The following FBXL14 variants were observed in gnomAD, a reference collection of about 807,000 sequenced individuals.
The protein encoded by FBXL14 is F-box/LRR-repeat protein 14.
FBXL14 carries 11 observed loss-of-function variants against 24.5 expected under a neutral mutation model. That is an observed-to-expected ratio of 0.45 (90% CI 0.28 to 0.74). The LOEUF (loss-of-function observed/expected upper bound fraction) is 0.74, where lower values mean the gene tolerates loss of function less well. Ranked by LOEUF, FBXL14 falls within the 30% of genes least tolerant of loss-of-function variation. The pLI, the probability that FBXL14 is intolerant of heterozygous loss-of-function variation, is 0.12. For synonymous variants in FBXL14, 294 were observed against 240.4 expected, an observed-to-expected ratio of 1.22 and a Z score of -2.06; for missense variants, 384 against 545.6, an observed-to-expected ratio of 0.70 and a Z score of 2.95.
chr12:1,592,303 G>C (rs2094492319), intron 1 of FBXL14, among the ~76,000 whole-genome samples: 1 of 151,174 alleles, frequency 6.6e-6, no homozygotes, highest in Admixed American at 6.6e-5. Context: ...CAGGAAAGAA[G>C]ATTAAGAACA....
chr12:1,571,846 T>A (rs1464848998), intron 1 of FBXL14, among the ~76,000 whole-genome samples: 1 of 152,200 alleles, frequency 6.6e-6, no homozygotes, highest in Admixed American at 6.5e-5. Flanking sequence ...GATCTTCCCA[T>A]CTCCTTGTTC....
In FBXL14 at chr12:1,567,161, A is replaced by T. The variant is rs1220087961; in HGVS notation, c.1195-351T>A. ...GCCACTATCAAGAAAAAGATATAAG[A>T]CATACTAAAGGGCAAATAGGGCCTG... On this transcript the variant is annotated intron_variant, in intron 1 of 1. Transcript: ENST00000339235. This position sits in a 1 kb window ranked among gnomAD's most constrained non-coding sequence, Gnocchi z 4.8. 6.6e-6 allele frequency among the ~76,000 whole-genome samples: 1 copy of T among 151,886 alleles called. No homozygotes were observed.
chr12:1,581,242 A>G (rs2094465744), intron 1 of FBXL14, among the ~76,000 whole-genome samples: 1 of 152,050 alleles, frequency 6.6e-6, no homozygotes, highest in African/African-American at 2.4e-5. Context: ...TAGCAGCTAA[A>G]AGAGTACAGA....
chr12:1,574,397 T>TA (rs1565583089), intron 1 of FBXL14, among the ~76,000 whole-genome samples: 4,913 of 47,392 alleles, frequency 0.1, 122 homozygotes, highest in Non-Finnish European at 0.14. Context: ...GAGGCTGGGG[T>TA]GGGGGAGGCT....
chr12:1,581,674 G>T (rs181948465), intron 1 of FBXL14, among the ~76,000 whole-genome samples: 1 of 152,196 alleles, frequency 6.6e-6, no homozygotes, highest in Non-Finnish European at 1.5e-5. Flanking sequence ...CATGCCTCCC[G>T]TAGGACATTT....
chr12:1,576,628 TG>T (rs1010667643), intron 1 of FBXL14, among the ~76,000 whole-genome samples: 2 of 152,138 alleles, frequency 1.3e-5, no homozygotes, highest in African/African-American at 4.8e-5. Flanking sequence ...CGCACTCCCA[TG>T]GGGCCTATCT....
At chr12:1,572,806 GTCAAAA>G (rs1313992270) in intron 1 of FBXL14, among the ~76,000 whole-genome samples, 2 of 141,148 alleles carry the variant, frequency 1.4e-5, no homozygotes, top group Non-Finnish European at 3.2e-5. Flanking sequence ...GGTCAAAATG[GTCAAAA>G]TGAGAAGTGA....
At chr12:1,582,796 A>G (rs1441554486) in intron 1 of FBXL14, among the ~76,000 whole-genome samples, 1 of 152,098 alleles carries the variant, frequency 6.6e-6, no homozygotes, top group African/African-American at 2.4e-5. Context: ...CTTTTTTCCC[A>G]CTTCTACACC....
At chr12:1,587,239 G>A (rs777780807) in intron 1 of FBXL14, 3 of 75,066 alleles carry the variant, frequency 4.0e-5, no homozygotes, top group South Asian at 4.5e-4. Flanking sequence ...CTCCGTCTCC[G>A]TCTCAAAAAA....
At chr12:1,592,830 C>T in intron 1 of FBXL14, 43 bp downstream of exon 1, 1 of 1,498,578 alleles carries the variant, frequency 6.7e-7, no homozygotes, top group Non-Finnish European at 9.0e-7. Flanking sequence ...GGAGGATGAA[C>T]AGGGCGGGAC....
At position 1,567,900 on chromosome 12, in the gene FBXL14, T is replaced by C. The variant is rs2107524; in HGVS notation, c.1195-1090A>G. 0.53 allele frequency among the ~76,000 whole-genome samples: 79,211 copies of C among 150,788 alleles called. 21,243 individuals are homozygous for C. The highest frequency in any genetic ancestry group is 0.62 in the African/African-American group (25,879 of 41,466). On this transcript the variant is annotated intron_variant, in intron 1 of 1. Coordinates refer to ENST00000339235, the MANE Select transcript of FBXL14 (RefSeq NM_152441.3). This position sits in a 1 kb window ranked among gnomAD's most constrained non-coding sequence, Gnocchi z 4.8. ...CCACACGCACACGCGCGCACACACG[T>C]GCGCACACACACAGAACAGAATATC...
chr12:1,584,668 T>C (rs937276314), intron 1 of FBXL14, among the ~76,000 whole-genome samples: 2 of 152,212 alleles, frequency 1.3e-5, no homozygotes, highest in Non-Finnish European at 2.9e-5. Flanking sequence ...CTGGATGAAG[T>C]TCAGGGGGCC....
intron 1 of FBXL14, among the ~76,000 whole-genome samples, chr12:1,570,330 T>C (rs1379455339): frequency 6.6e-6 from 1 of 152,136 alleles, no homozygotes; most frequent in Non-Finnish European, 1.5e-5. Context: ...GGGTACAACA[T>C]GTGTCCTTAT....
At chr12:1,586,853 T>G (rs1037013551) in intron 1 of FBXL14, among the ~76,000 whole-genome samples, 1 of 152,228 alleles carries the variant, frequency 6.6e-6, no homozygotes, top group African/African-American at 2.4e-5. Flanking sequence ...CCCAGTTCTC[T>G]TCTTTGTAAT....
chr12:1,583,383 GAA>G (rs60015261), intron 1 of FBXL14, among the ~76,000 whole-genome samples: 2 of 136,856 alleles, frequency 1.5e-5, no homozygotes. Flanking sequence ...AGTTTAAAGA[GAA>G]AAAAAAAAAA....
At chr12:1,571,455 G>A (rs569259640) in intron 1 of FBXL14, among the ~76,000 whole-genome samples, 15 of 152,276 alleles carry the variant, frequency 9.9e-5, no homozygotes, top group African/African-American at 3.6e-4. Context: ...TGATCCGCCT[G>A]CCTCAGCCTC....
chr12:1,574,902 CTT>C (rs57973645), intron 1 of FBXL14: 2 of 133,560 alleles, frequency 1.5e-5, no homozygotes, highest in African/African-American at 6.7e-5. Flanking sequence ...AAGTTAGGAG[CTT>C]TTTTTAAAAA....
At position 1,569,363 on chromosome 12, in the gene FBXL14, C is replaced by T. The variant is rs955313181; in HGVS notation, c.1195-2553G>A. On this transcript the variant is annotated intron_variant, in intron 1 of 1. Coordinates refer to ENST00000339235, the MANE Select transcript of FBXL14 (RefSeq NM_152441.3). This position sits in a 1 kb window ranked among gnomAD's most constrained non-coding sequence, Gnocchi z 4.2. ...CTTCCTTCTTCCCTCTTCAACCCCA[C>T]GCTCTCATATGCTAAATAAGAAACC... Among the ~76,000 whole-genome samples the T allele has an allele frequency of 4.6e-5, 7 of 151,772 alleles. No homozygotes were observed. In the East Asian group the frequency reaches 1.2e-3, roughly 25 times the overall value.
intron 1 of FBXL14, among the ~76,000 whole-genome samples, chr12:1,587,093 C>T (rs1177826541): frequency 1.3e-5 from 2 of 151,916 alleles, no homozygotes; most frequent in African/African-American, 4.8e-5. Context: ...CAAAATTAGC[C>T]GGGCGTGGTG....
Sources: allele counts gnomAD v4.1 joint callset (sites outside exome capture counted in the v4.1 genomes callset), GRCh38; gene constraint gnomAD v4.1.1; non-coding constraint Gnocchi (gnomAD v3.1); transcripts MANE v1.5; gene names NCBI Gene and HGNC (gene_info 2026-07-23, HGNC 2026-07-21).